The following SEMA5A variants were observed in gnomAD, a reference collection of about 807,000 sequenced individuals.
The protein encoded by SEMA5A is semaphorin-5A.
SEMA5A carries 55 observed loss-of-function variants against 135.5 expected under a neutral mutation model. The ratio of observed to expected loss-of-function variants is 0.41; its 90% CI spans 0.33 to 0.51. SEMA5A has a LOEUF of 0.51. Ranked by LOEUF, SEMA5A falls within the 20% of genes least tolerant of loss-of-function variation. The pLI is 0.37. For synonymous variants in SEMA5A, 580 were observed against 546.5 expected (o/e 1.06, Z -0.85); for missense variants, 1,290 against 1,419.9 (o/e 0.91, Z 1.47).
At chr5:9,459,343 T>G (rs1172938881) in intron 1 of SEMA5A, among the ~76,000 whole-genome samples, 1 of 152,206 alleles carries the variant, frequency 6.6e-6, no homozygotes, top group Non-Finnish European at 1.5e-5. Context: ...GGTCGTTATA[T>G]TATATAAAAT....
At chr5:9,348,989 T>A (rs878982797) in intron 3 of SEMA5A, among the ~76,000 whole-genome samples, 5 of 152,346 alleles carry the variant, frequency 3.3e-5, no homozygotes, top group Admixed American at 3.3e-4. Context: ...TTCTCACAAT[T>A]CACACGTAAG....
At chr5:9,062,215 G>T (rs1037765252) in intron 18 of SEMA5A, among the ~76,000 whole-genome samples, 2 of 151,968 alleles carry the variant, frequency 1.3e-5, no homozygotes, top group Non-Finnish European at 2.9e-5. Flanking sequence ...GGAGTGGGGG[G>T]CCCCTGCAGA....
intron 4 of SEMA5A, among the ~76,000 whole-genome samples, chr5:9,336,265 A>G (rs1038011902): frequency 6.6e-6 from 1 of 152,218 alleles, no homozygotes; most frequent in African/African-American, 2.4e-5. Context: ...TGTGAGAATG[A>G]AAACAGGCAA....
chr5:9,505,122 A>C (rs1158855829), intron 1 of SEMA5A, among the ~76,000 whole-genome samples: 9 of 151,676 alleles, frequency 5.9e-5, no homozygotes, highest in Admixed American at 5.9e-4. Flanking sequence ...ATTTGAGCAG[A>C]AAAGACAAAT....
chr5:9,169,413 A>G (rs374865758), intron 11 of SEMA5A, among the ~76,000 whole-genome samples: 1 of 152,218 alleles, frequency 6.6e-6, no homozygotes, highest in East Asian at 1.9e-4. Flanking sequence ...GTCATGGAGT[A>G]ATACATATAT....
intron 5 of SEMA5A, among the ~76,000 whole-genome samples, chr5:9,245,234 C>T (rs1455155520): frequency 6.6e-6 from 1 of 152,130 alleles, no homozygotes; most frequent in Non-Finnish European, 1.5e-5. Flanking sequence ...GGAGTATTCA[C>T]ATGTCTATGT....
chr5:9,053,613 C>A (rs910328967), intron 19 of SEMA5A, among the ~76,000 whole-genome samples: 1 of 152,070 alleles, frequency 6.6e-6, no homozygotes, highest in Non-Finnish European at 1.5e-5. Context: ...GGTTTTGAGA[C>A]AAAAAGGCTG....
intron 5 of SEMA5A, among the ~76,000 whole-genome samples, chr5:9,260,878 TGGA>T (rs1749342659): frequency 1.1e-5 from 1 of 87,228 alleles, no homozygotes; most frequent in Non-Finnish European, 2.5e-5. Flanking sequence ...AACATAGTGT[TGGA>T]AGTTCTGGCC....
At chr5:9,338,604 G>A (rs1249338828) in intron 3 of SEMA5A, among the ~76,000 whole-genome samples, 2 of 152,154 alleles carry the variant, frequency 1.3e-5, no homozygotes, top group Non-Finnish European at 2.9e-5. Flanking sequence ...CCCACCAAAC[G>A]TGGGATACCT....
At chr5:9,479,465 C>T (rs1306099484) in intron 1 of SEMA5A, among the ~76,000 whole-genome samples, 1 of 152,144 alleles carries the variant, frequency 6.6e-6, no homozygotes, top group Non-Finnish European at 1.5e-5. Context: ...AAAGCAAAGC[C>T]TTGGACGTGG....
intron 5 of SEMA5A, among the ~76,000 whole-genome samples, chr5:9,296,275 T>C (rs1318676371): frequency 6.6e-6 from 1 of 152,212 alleles, no homozygotes; most frequent in Non-Finnish European, 1.5e-5. Context: ...TACAGGCTTA[T>C]CATATCTTTG....
In SEMA5A at chr5:9,353,349, A is replaced by G. The variant is rs371033679; in HGVS notation, c.125-15537T>C. On this transcript the variant is annotated intron_variant, in intron 3 of 22. Coordinates refer to ENST00000382496, the MANE Select transcript of SEMA5A (RefSeq NM_003966.3). ...AAAGGAAAGGAAATGAAAGGAAAGG[A>G]AAGGGAAGGAAAGGAAAGGAAAGGA... Among the ~76,000 whole-genome samples the G allele has an allele frequency of 3.5e-4, 23 of 66,256 alleles. 1 individual carries two copies. The highest frequency in any genetic ancestry group is 6.0e-4 in the Non-Finnish European group (17 of 28,440). The allele number at this position is 66,256 out of a possible 152,430, so 43.5% of individuals were successfully genotyped here.
chr5:9,170,864 C>T (rs935930641), intron 11 of SEMA5A, among the ~76,000 whole-genome samples: 1 of 152,128 alleles, frequency 6.6e-6, no homozygotes, highest in Non-Finnish European at 1.5e-5. Flanking sequence ...ACCAACAGTC[C>T]TACTGGGGAG....
intron 17 of SEMA5A, among the ~76,000 whole-genome samples, chr5:9,065,512 C>T (rs1278454873): frequency 1.3e-5 from 2 of 152,180 alleles, no homozygotes; most frequent in African/African-American, 4.8e-5. Flanking sequence ...GGTGGCTGTC[C>T]TTTCGTGTTG....
At chr5:9,065,223 T>C (rs889795964) in intron 17 of SEMA5A, among the ~76,000 whole-genome samples, 1 of 152,156 alleles carries the variant, frequency 6.6e-6, no homozygotes, top group African/African-American at 2.4e-5. Flanking sequence ...AGCAGGCTTG[T>C]AAAGCAAGTG....
intron 1 of SEMA5A, among the ~76,000 whole-genome samples, chr5:9,489,482 G>A (rs746518306): frequency 5.9e-5 from 9 of 152,226 alleles, no homozygotes; most frequent in South Asian, 4.1e-4. Flanking sequence ...CAGGGATGGC[G>A]GTAAATGTAT....
At position 9,199,504 on chromosome 5, in the gene SEMA5A, G is replaced by A. The variant is rs911174011; in HGVS notation, c.933-2201C>T. On this transcript the variant is annotated intron_variant, in intron 9 of 22. Transcript: ENST00000382496. ...AGGGTCTCCAGACCTGTGGGCAGGC[G>A]AGGGCAGCCCAGGTCTAGAACATGA... 3.1e-4 allele frequency among the ~76,000 whole-genome samples: 47 copies of A among 152,176 alleles called. 1 individual carries two copies. Among genetic ancestry groups the A allele is most frequent in the African/African-American group, 1.1e-3 (44 of 41,454 alleles).
At chr5:9,179,138 C>A (rs572211765) in intron 11 of SEMA5A, among the ~76,000 whole-genome samples, 2 of 152,252 alleles carry the variant, frequency 1.3e-5, no homozygotes, top group African/African-American at 4.8e-5. Context: ...TTTGTATAAG[C>A]AAGAGGACAG....
chr5:9,466,379 A>AT (rs1171996739), intron 1 of SEMA5A, among the ~76,000 whole-genome samples: 3 of 51,950 alleles, frequency 5.8e-5, no homozygotes, highest in Admixed American at 2.6e-4. Flanking sequence ...TAATAATAAA[A>AT]TTTAAAAAAA....
Sources: gnomAD v4.1 joint callset for allele counts (sites outside exome capture counted in the v4.1 genomes callset) on GRCh38, gnomAD v4.1.1 for gene constraint, MANE v1.5 for transcripts, NCBI Gene and HGNC (gene_info 2026-07-23, HGNC 2026-07-21) for gene names.